Variants in FHOD3 observed in about 807,000 individuals in gnomAD.
FHOD3 encodes the protein formin homology 2 domain containing 3.
In FHOD3, 90 loss-of-function variants were observed where a neutral mutation model predicts 173.0. The observed-to-expected ratio is 0.52, with a 90% confidence interval of 0.44 to 0.62. FHOD3 has a LOEUF of 0.62. FHOD3 is among the 20% of genes least tolerant of loss of function. The pLI, the probability that FHOD3 is intolerant of heterozygous loss-of-function variation, is 0.00. For missense variants in FHOD3, 1,945 were observed against 2,034.7 expected (o/e 0.96, Z 0.85); for synonymous variants, 828 against 823.0 (o/e 1.01, Z -0.10).
intron 3 of FHOD3, among the ~76,000 whole-genome samples, chr18:36,475,763 C>T (rs1009771272): frequency 1.8e-5 from 1 of 54,868 alleles, no homozygotes; most frequent in Non-Finnish European, 4.0e-5. Context: ...CACACACACA[C>T]ACACACACAC....
intron 5 of FHOD3, among the ~76,000 whole-genome samples, chr18:36,573,353 C>T (rs1379322746): frequency 2.0e-5 from 3 of 151,342 alleles, no homozygotes; most frequent in Non-Finnish European, 2.9e-5. Flanking sequence ...GCCTGTAATC[C>T]AGGCACTTTG....
At chr18:36,655,426 G>C (rs767002527) in intron 13 of FHOD3, among the ~76,000 whole-genome samples, 1 of 152,106 alleles carries the variant, frequency 6.6e-6, no homozygotes, top group Admixed American at 6.6e-5. Context: ...ATTTATAGTC[G>C]TGGGGGTGGG....
chr18:36,773,488 C>T (rs1027097665), intron 28 of FHOD3, among the ~76,000 whole-genome samples: 2 of 152,222 alleles, frequency 1.3e-5, no homozygotes, highest in African/African-American at 2.4e-5. Flanking sequence ...CAGGAATGCA[C>T]ACATGCCCAC....
Position 36,577,934 on chromosome 18 carries a change from G to A in FHOD3, c.606+1389G>A, listed in dbSNP as rs75062920. ...ACTGCAGGGGGATTTGGGAGAAGTA[G>A]TGAAAGGGACCCTGTCCTGAGCAGG... On this transcript the variant is annotated intron_variant, in intron 6 of 28. Coordinates refer to ENST00000590592, the MANE Select transcript of FHOD3 (RefSeq NM_001281740.3). Among the ~76,000 whole-genome samples the A allele has an allele frequency of 2.7e-3, 418 of 152,326 alleles. 3 individuals carry two copies. Among genetic ancestry groups the A allele is most frequent in the African/African-American group, 9.9e-3 (411 of 41,582 alleles).
At chr18:36,461,463 T>G (rs925198639) in intron 3 of FHOD3, among the ~76,000 whole-genome samples, 4 of 151,966 alleles carry the variant, frequency 2.6e-5, no homozygotes, top group Non-Finnish European at 5.9e-5. Context: ...GTGTGTGTTT[T>G]TTTTTTTCTC....
intron 3 of FHOD3, among the ~76,000 whole-genome samples, chr18:36,383,044 G>A (rs1002936295): frequency 1.3e-5 from 2 of 152,280 alleles, no homozygotes; most frequent in Admixed American, 6.5e-5. Flanking sequence ...ACACTTCCAC[G>A]GGGAGTGCCC....
intron 5 of FHOD3, among the ~76,000 whole-genome samples, chr18:36,562,700 G>A (rs1452158454): frequency 2.0e-5 from 3 of 152,168 alleles, no homozygotes; most frequent in African/African-American, 7.2e-5. Context: ...AGCAGGTGTT[G>A]ATGCTGAGCC....
chr18:36,476,460 G>A (rs1330999013), intron 3 of FHOD3, among the ~76,000 whole-genome samples: 2 of 152,228 alleles, frequency 1.3e-5, no homozygotes, highest in Non-Finnish European at 2.9e-5. Flanking sequence ...AGGCAGGGCA[G>A]CAGAGTGAAA....
intron 1 of FHOD3, among the ~76,000 whole-genome samples, chr18:36,304,548 A>G (rs890220037): frequency 1.3e-5 from 2 of 152,242 alleles, no homozygotes; most frequent in Admixed American, 6.5e-5. Flanking sequence ...ATAGCTAACC[A>G]TCAGTGGATT....
chr18:36,350,802 A>G (rs931633192), intron 1 of FHOD3, among the ~76,000 whole-genome samples: 22 of 152,168 alleles, frequency 1.4e-4, no homozygotes, highest in African/African-American at 4.3e-4. Context: ...CTCACTGTCT[A>G]TTCATATTGT....
At chr18:36,603,880 G>A (rs900934943) in intron 8 of FHOD3, among the ~76,000 whole-genome samples, 4 of 152,168 alleles carry the variant, frequency 2.6e-5, no homozygotes, top group African/African-American at 9.7e-5. Flanking sequence ...TTGTTCACAT[G>A]TCAGGAAGAC....
intron 5 of FHOD3, among the ~76,000 whole-genome samples, chr18:36,549,592 C>T (rs2057558080): frequency 8.1e-6 from 1 of 123,018 alleles, no homozygotes; most frequent in Non-Finnish European, 1.6e-5. Flanking sequence ...GGCTGGAGTG[C>T]AGTGGTGTGA....
intron 5 of FHOD3, among the ~76,000 whole-genome samples, chr18:36,514,922 CAG>C (rs1426714415): frequency 1.3e-5 from 2 of 152,188 alleles, no homozygotes; most frequent in African/African-American, 4.8e-5. Flanking sequence ...GGGGAGGCAA[CAG>C]AGAGAAAGGC....
In FHOD3 at chr18:36,342,714, G is replaced by A. The variant is rs190171242; in HGVS notation, c.166-12825G>A. Among the ~76,000 whole-genome samples the A allele has an allele frequency of 9.4e-4, 143 of 152,256 alleles. 1 individual carries two copies. The highest frequency in any genetic ancestry group is 3.3e-3 in the African/African-American group (137 of 41,540). On this transcript the variant is annotated intron_variant, in intron 1 of 28. Transcript: ENST00000590592. Reference sequence around the variant, plus strand: ...GTTAAAAACTTCTGTGCCTCAAAGGGCATCATCAGAAAGTCAAAAACAATC... The same window carrying A: ...GTTAAAAACTTCTGTGCCTCAAAGGACATCATCAGAAAGTCAAAAACAATC...
At chr18:36,383,042 A>G (rs1598912067) in intron 3 of FHOD3, among the ~76,000 whole-genome samples, 1 of 152,262 alleles carries the variant, frequency 6.6e-6, no homozygotes. Flanking sequence ...CCACACTTCC[A>G]CGGGGAGTGC....
chr18:36,688,827 G>A (rs1490021213), intron 16 of FHOD3, among the ~76,000 whole-genome samples: 1 of 152,226 alleles, frequency 6.6e-6, no homozygotes, highest in African/African-American at 2.4e-5. Flanking sequence ...AACCACGGAA[G>A]TCCAGCTCTT....
At chr18:36,399,940 G>A (rs927974067) in intron 3 of FHOD3, among the ~76,000 whole-genome samples, 1 of 152,198 alleles carries the variant, frequency 6.6e-6, no homozygotes, top group Non-Finnish European at 1.5e-5. Flanking sequence ...ATTTGACTTT[G>A]CTCCTTCTGA....
intron 19 of FHOD3, among the ~76,000 whole-genome samples, chr18:36,727,212 C>A (rs1366099815): frequency 6.6e-6 from 1 of 152,092 alleles, no homozygotes; most frequent in African/African-American, 2.4e-5. Context: ...TTCACTATTG[C>A]TGACTTGAGG....
chr18:36,728,059 G>A (rs533136425), intron 19 of FHOD3, among the ~76,000 whole-genome samples: 22 of 152,326 alleles, frequency 1.4e-4, no homozygotes, highest in African/African-American at 5.3e-4. Flanking sequence ...ACAAGGCATG[G>A]CCCACCAGTT....
Sources: gnomAD v4.1 joint callset for allele counts (sites outside exome capture counted in the v4.1 genomes callset) on GRCh38, gnomAD v4.1.1 for gene constraint, MANE v1.5 for transcripts, NCBI Gene and HGNC (gene_info 2026-07-23, HGNC 2026-07-21) for gene names.